The following IFT80 variants were observed in gnomAD, a reference collection of about 807,000 sequenced individuals.
IFT80 encodes intraflagellar transport protein 80 homolog.
Under a neutral mutation model 107.9 loss-of-function variants are expected in IFT80, and 79 were observed. The observed-to-expected ratio is 0.73, with a 90% confidence interval of 0.61 to 0.88. The LOEUF is 0.88. Among genes scored for constraint, IFT80 ranks in the 40% least tolerant of loss-of-function variants. The pLI is 0.00. For missense variants in IFT80, 797 were observed against 914.2 expected (o/e 0.87, Z 1.65); for synonymous variants, 299 against 300.9 (o/e 0.99, Z 0.07).
chr3:160,362,865 T>C (rs1721597683), intron 6 of IFT80, among the ~76,000 whole-genome samples: 1 of 152,050 alleles, frequency 6.6e-6, no homozygotes, highest in African/African-American at 2.4e-5. Flanking sequence ...ATGGAACATA[T>C]CTCAAAATAA....
At chr3:160,377,796 C>A in intron 3 of IFT80, 1 of 287,354 alleles carries the variant, frequency 3.5e-6, no homozygotes, top group Non-Finnish European at 6.4e-6. Context: ...AACCCAAATT[C>A]ATAAACCTTT....
intron 8 of IFT80, among the ~76,000 whole-genome samples, chr3:160,345,109 G>GAATC (rs1559951614): frequency 6.6e-6 from 1 of 152,130 alleles, no homozygotes; most frequent in African/African-American, 2.4e-5. Flanking sequence ...TAAAAGAAAA[G>GAATC]AATCAGTATA....
intron 8 of IFT80, among the ~76,000 whole-genome samples, chr3:160,339,145 A>T (rs562012193): frequency 6.6e-6 from 1 of 152,302 alleles, no homozygotes; most frequent in Admixed American, 6.5e-5. Context: ...ATATGTAAAA[A>T]ATTGAGCTGT....
At chr3:160,377,184 T>G (rs967290122) in intron 4 of IFT80, among the ~76,000 whole-genome samples, 1 of 152,204 alleles carries the variant, frequency 6.6e-6, no homozygotes, top group Non-Finnish European at 1.5e-5. Flanking sequence ...ATTACAACTT[T>G]TATTTATTCC....
At chr3:160,313,766 C>T (rs529947509) in intron 9 of IFT80, among the ~76,000 whole-genome samples, 15 of 152,106 alleles carry the variant, frequency 9.9e-5, no homozygotes, top group Non-Finnish European at 1.5e-4. Context: ...CAAGCCACCA[C>T]GCCCGGCTAA....
chr3:160,320,018 C>T (rs768117607), intron 8 of IFT80, 79 bp from the exon 9 acceptor site: 613 of 920,032 alleles, frequency 6.7e-4, no homozygotes, highest in Non-Finnish European at 8.1e-4. Context: ...CACATGACAA[C>T]GTAATAAGAT....
intron 8 of IFT80, among the ~76,000 whole-genome samples, chr3:160,353,550 T>G (rs1196627426): frequency 4.6e-5 from 7 of 152,234 alleles, no homozygotes; most frequent in Non-Finnish European, 1.0e-4. Context: ...CACCATACTC[T>G]TTTGTACTTT....
chr3:160,353,510 A>G (rs1457881463), intron 8 of IFT80, among the ~76,000 whole-genome samples: 1 of 152,234 alleles, frequency 6.6e-6, no homozygotes, highest in Non-Finnish European at 1.5e-5. Flanking sequence ...GTATTATGCC[A>G]TGAAAATTTT....
At chr3:160,383,419 A>G in intron 2 of IFT80, 1 of 940,008 alleles carries the variant, frequency 1.1e-6, no homozygotes, top group Non-Finnish European at 1.3e-6. Context: ...ACAAGATAAT[A>G]TAAATGAAAA....
At chr3:160,370,452 G>A (rs1439833384) in intron 5 of IFT80, among the ~76,000 whole-genome samples, 1 of 151,552 alleles carries the variant, frequency 6.6e-6, no homozygotes, top group African/African-American at 2.4e-5. Context: ...TTTATTTGTA[G>A]GAGACATGAG....
At chr3:160,396,443 G>A (rs1713782578) in intron 1 of IFT80, among the ~76,000 whole-genome samples, 1 of 152,040 alleles carries the variant, frequency 6.6e-6, no homozygotes, top group Non-Finnish European at 1.5e-5. Context: ...TTTCTGAAAT[G>A]TTATGACATT....
intron 3 of IFT80, among the ~76,000 whole-genome samples, chr3:160,378,743 T>C (rs970586983): frequency 6.6e-6 from 1 of 151,750 alleles, no homozygotes; most frequent in Non-Finnish European, 1.5e-5. Flanking sequence ...AATAATAATA[T>C]ATTTATGAAA....
In IFT80 at chr3:160,366,051, C is replaced by T. The variant is rs1559963336; in HGVS notation, c.541G>A (p.Val181Ile). Residue 181 changes from valine (V) to isoleucine (I), a missense_variant, in exon 6 of 20, where the codon GTT (valine) becomes ATT (isoleucine). Coordinates refer to ENST00000326448, the MANE Select transcript of IFT80 (RefSeq NM_020800.3). ...AAATGACTGAGAAGTACCTGCAAAA[C>T]TTTAGCATTTGGTTGAAGAGGTTTA... ...IIKPLQPNAK[V>I]LQWKAHDGII... 1.9e-6 allele frequency: 3 copies of T among 1,611,826 alleles called. No individual in the cohort carries two copies. The highest frequency in any genetic ancestry group is 1.7e-6 in the Non-Finnish European group (2 of 1,178,470).
In IFT80 at chr3:160,381,696, C is replaced by G; in HGVS notation, c.66G>C (p.Trp22Cys). ...KHQELVSCVG[W>C]TTAEELYSCS... The stretch of plus-strand genomic sequence containing the variant: ...ATGAATACAGCTCTTCAGCAGTAGT[C>G]CAGCCCACACAGCTTACTAATTCTT... The change falls in exon 3 of 20, where the codon TGG (tryptophan) becomes TGC (cysteine). Residue 22 changes from tryptophan to cysteine, a missense_variant. Coordinates refer to ENST00000326448, the MANE Select transcript of IFT80 (RefSeq NM_020800.3). 1 of 1,612,008 alleles carries G rather than the reference C, an allele frequency of 6.2e-7. No individual in the cohort carries two copies. Among genetic ancestry groups the G allele is most frequent in the Non-Finnish European group, 8.5e-7 (1 of 1,179,866 alleles).
At chr3:160,290,752 G>A (rs577047273) in intron 12 of IFT80, among the ~76,000 whole-genome samples, 88 of 152,104 alleles carry the variant, frequency 5.8e-4, no homozygotes, top group African/African-American at 2.0e-3. Flanking sequence ...TAGTAAAGTC[G>A]GGGTTTCGCC....
intron 15 of IFT80, among the ~76,000 whole-genome samples, chr3:160,279,712 G>A (rs113909553): frequency 7.0e-4 from 107 of 152,082 alleles, no homozygotes; most frequent in African/African-American, 2.6e-3. Flanking sequence ...AATTTATATA[G>A]CTTTAGCTTT....
At position 160,258,633 on chromosome 3, in the gene IFT80, G is replaced by A; in HGVS notation, c.2226C>T (p.Leu742=). Reference sequence around the variant, plus strand: ...CTTTGATTTTCTCCCAATCTATTTGGAGCTGCAATAGAAAAAAAAAAGAAG... The same window carrying A: ...CTTTGATTTTCTCCCAATCTATTTGAAGCTGCAATAGAAAAAAAAAAGAAG... ...NKRYLHYAEG[L]QIDWEKIKAK... is the part of the protein sequence containing the mutation. Residue 742 remains leucine, a splice_region_variant and synonymous_variant, in exon 20 of 20, where the codon CTC becomes CTT. Coordinates refer to ENST00000326448, the MANE Select transcript of IFT80 (RefSeq NM_020800.3). The A allele has an allele frequency of 6.2e-7, 1 of 1,604,140 alleles. No homozygotes were observed. Among genetic ancestry groups the A allele is most frequent in the Non-Finnish European group, 8.5e-7 (1 of 1,177,752 alleles).
At chr3:160,315,392 T>C (rs774216503) in intron 9 of IFT80, among the ~76,000 whole-genome samples, 1 of 152,146 alleles carries the variant, frequency 6.6e-6, no homozygotes, top group Non-Finnish European at 1.5e-5. Context: ...AGAACTCTGT[T>C]TTAGGGTAAA....
chr3:160,390,372 G>A (rs1416483806), intron 1 of IFT80, among the ~76,000 whole-genome samples: 4 of 149,884 alleles, frequency 2.7e-5, no homozygotes, highest in African/African-American at 5.0e-5. Context: ...AGCCGAGATC[G>A]CACCATTGCA....
Sources: allele counts gnomAD v4.1 joint callset (sites outside exome capture counted in the v4.1 genomes callset), GRCh38; gene constraint gnomAD v4.1.1; transcripts MANE v1.5; gene names NCBI Gene and HGNC (gene_info 2026-07-23, HGNC 2026-07-21).